FOXO4: variants seen among roughly 807,000 people sequenced by gnomAD.
FOXO4 encodes forkhead box protein O4.
In FOXO4, 3 loss-of-function variants were observed where a neutral mutation model predicts 20.8. The ratio of observed to expected loss-of-function variants is 0.14; its 90% CI spans 0.07 to 0.37. FOXO4 has a LOEUF of 0.37. Ranked by LOEUF, FOXO4 falls within the 10% of genes least tolerant of loss-of-function variation. The pLI, the probability that FOXO4 is intolerant of heterozygous loss-of-function variation, is 1.00. For missense variants in FOXO4, 309 were observed against 431.9 expected (o/e 0.72, Z 2.52); for synonymous variants, 158 against 180.0 (o/e 0.88, Z 0.98).
chrX:71,101,131 A>G lies in FOXO4; in HGVS notation c.901A>G (p.Asn301Asp), dbSNP rs2092230185. The stretch of plus-strand genomic sequence containing the variant: ...TGCAGGGGGTGTCCCTCCCACCCTC[A>G]ATGAAGGTCTAGAGCTGTTAGATGG... ...SYAGGVPPTL[N>D]EGLELLDGLN... is the part of the protein sequence containing the mutation. Residue 301 changes from asparagine to aspartate, a missense_variant, in exon 2 of 3, where the codon AAT (asparagine) becomes GAT (aspartate). Asn to Asp is a conservative substitution (Grantham distance 23). Transcript: ENST00000374259. 1 of 1,209,106 alleles carries G rather than the reference A, an allele frequency of 8.3e-7. No individual in the cohort carries two copies. Among genetic ancestry groups the G allele is most frequent in the African/African-American group, 1.8e-5 (1 of 56,920 alleles).
At position 71,101,061 on chromosome X, in the gene FOXO4, G is replaced by T. The variant is rs1405484394; in HGVS notation, c.831G>T (p.Glu277Asp). 8.3e-7 allele frequency: 1 copy of T among 1,210,262 alleles called. No homozygotes were observed. The highest frequency in any genetic ancestry group is 1.7e-5 in the African/African-American group (1 of 57,272). Residue 277 changes from glutamate (E) to aspartate (D), a missense_variant, in exon 2 of 3, where the codon GAG becomes GAT. This residue lies in a region of FOXO4 where 223 missense variants were observed against 302.7 expected (regional missense o/e 0.74). Coordinates refer to ENST00000374259, the MANE Select transcript of FOXO4 (RefSeq NM_005938.4). ...CCCGGCTGTCCCCCTTGAGGCCAGA[G>T]TCTGAGGTGCTGGCGGAGGAAATAC... ...VSTRLSPLRP[E>D]SEVLAEEIPA... is the part of the protein sequence containing the mutation.
chrX:71,101,361 C>A lies in FOXO4; in HGVS notation c.1131C>A (p.Pro377=). The A allele has an allele frequency of 8.3e-7, 1 of 1,211,452 alleles. No homozygotes were observed. Among genetic ancestry groups the A allele is most frequent in the Non-Finnish European group, 1.1e-6 (1 of 895,203 alleles). ...TGCTCACCTCTGATACGCCACCACC[C>A]CCTGCTGACGTCCTCATGACCCAGG... The part of the protein sequence containing the change: ...EALLTSDTPP[P]PADVLMTQVD... The change falls in exon 2 of 3, where the codon CCC becomes CCA. Residue 377 remains proline, a synonymous_variant. Transcript: ENST00000374259.
chrX:71,101,925 G>T, intron 2 of FOXO4, 152 bp from the exon 3 acceptor site: 1 of 722,265 alleles, frequency 1.4e-6, no homozygotes, highest in Non-Finnish European at 2.1e-6. Flanking sequence ...AGGCCCCTTA[G>T]CTGTGCCCAG....
Position 71,101,376 on chromosome X carries a change from C to T in FOXO4, c.1146C>T (p.Leu382=), listed in dbSNP as rs1460352853. 8.3e-7 allele frequency: 1 copy of T among 1,211,548 alleles called. No individual in the cohort carries two copies. Among genetic ancestry groups the T allele is most frequent in the Admixed American group, 2.2e-5 (1 of 46,087 alleles). Residue 382 remains leucine (L), a synonymous_variant, in exon 2 of 3, where the codon CTC becomes CTT. Coordinates refer to ENST00000374259, the MANE Select transcript of FOXO4 (RefSeq NM_005938.4). ...CGCCACCACCCCCTGCTGACGTCCT[C>T]ATGACCCAGGTAGATCCCATTCTGT... The part of the protein sequence containing the change: ...SDTPPPPADV[L]MTQVDPILSQ...
chrX:71,097,350 T>C (rs1047040602), intron 1 of FOXO4, among the ~76,000 whole-genome samples: 1 of 109,206 alleles, frequency 9.2e-6, no homozygotes, highest in Non-Finnish European at 1.9e-5. Flanking sequence ...CACATGAACC[T>C]ACCCTTCCCT....
rs1222442575 is a variant in FOXO4, at chrX:71,095,860, T to A, written c.-669T>A. ...CTTTCGAGGCGCGTGCGCAGATGGC[T>A]GCCCCGGCGAGTGGTAAACAGAGAC... On this transcript the variant is annotated 5_prime_UTR_variant, in exon 1 of 3. Transcript: ENST00000374259. 2.1e-5 allele frequency among the ~76,000 whole-genome samples: 2 copies of A among 95,289 alleles called. No homozygotes were observed. Among genetic ancestry groups the A allele is most frequent in the Non-Finnish European group, 4.0e-5 (2 of 49,609 alleles). 82.7% of individuals were successfully genotyped at this position (95,289 alleles called of 115,157 possible).
At position 71,100,678 on chromosome X, in the gene FOXO4, C is replaced by T. The variant is rs1327566197; in HGVS notation, c.454-6C>T. The T allele has an allele frequency of 1.4e-5, 16 of 1,176,629 alleles. No homozygotes were observed. The highest frequency in any genetic ancestry group is 1.8e-5 in the Non-Finnish European group (16 of 876,804). On this transcript the variant is annotated splice_region_variant and splice_polypyrimidine_tract_variant and intron_variant, in intron 1 of 2. Coordinates refer to ENST00000374259, the MANE Select transcript of FOXO4 (RefSeq NM_005938.4). ...CGCCCCTTTCCTGCCATCTCTGCCC[C>T]TCCAGAACTCGATCCGCCACAACCT... is the stretch of plus-strand genomic sequence containing the variant.
rs1272050752 is a variant in FOXO4 at position 71,102,914 on chromosome X, T to A, written c.*830T>A. Reference sequence around the variant, plus strand: ...GTTAGAGTTTCCCTAACAAAAAAGCTAACCCAGGTCCCCTCATTCCTTCAA... The same window carrying A: ...GTTAGAGTTTCCCTAACAAAAAAGCAAACCCAGGTCCCCTCATTCCTTCAA... On this transcript the variant is annotated 3_prime_UTR_variant, in exon 3 of 3. Coordinates refer to ENST00000374259, the MANE Select transcript of FOXO4 (RefSeq NM_005938.4). 1.8e-5 allele frequency: 3 copies of A among 171,306 alleles called. No homozygotes were observed. Among genetic ancestry groups the A allele is most frequent in the Non-Finnish European group, 3.3e-5 (3 of 89,893 alleles). The allele number at this position is 171,306 out of a possible 1,213,427, so 14.1% of individuals were successfully genotyped here.
chrX:71,096,253 G>T lies in FOXO4; in HGVS notation c.-276G>T. The T allele has an allele frequency of 2.5e-6, 1 of 403,395 alleles. No individual in the cohort carries two copies. The allele number at this position is 403,395 out of a possible 1,213,427, so 33.2% of individuals were successfully genotyped here. A position where few individuals can be genotyped will look rare whatever the true frequency, so the allele number is the denominator to read the frequency against. On this transcript the variant is annotated 5_prime_UTR_variant, in exon 1 of 3. The change creates a new upstream start codon in the 5' untranslated region. Coordinates refer to ENST00000374259, the MANE Select transcript of FOXO4 (RefSeq NM_005938.4). ...TAAAAGAGCAGGAAGCTGAGTGAGAGGTTGCAGAAAAAGTGTCTTCGCTCG... is the reference window on the plus strand; with the variant it reads ...TAAAAGAGCAGGAAGCTGAGTGAGATGTTGCAGAAAAAGTGTCTTCGCTCG...
rs1480125243 is a variant in FOXO4, at chrX:71,096,706, A to G, written c.178A>G (p.Thr60Ala). The change falls in exon 1 of 3, where the codon ACG becomes GCG. Residue 60 changes from threonine (T) to alanine (A), a missense_variant. Coordinates refer to ENST00000374259, the MANE Select transcript of FOXO4 (RefSeq NM_005938.4). ...GCCAGATCTGGGGGAAAAGGTACAC[A>G]CGGAGGGGCGCTCAGAGCCGATCCT... ...VEPDLGEKVH[T>A]EGRSEPILLP... 1 of 1,208,155 alleles carries G rather than the reference A, an allele frequency of 8.3e-7. No individual in the cohort carries two copies. Among genetic ancestry groups the G allele is most frequent in the South Asian group, 1.8e-5 (1 of 56,305 alleles).
rs761311748 is a variant in FOXO4, at chrX:71,100,689, G to T, written c.459G>T (p.Ser153=). ...TGCCATCTCTGCCCCTCCAGAACTCGATCCGCCACAACCTGTCCCTGCACA... is the reference window on the plus strand; with the variant it reads ...TGCCATCTCTGCCCCTCCAGAACTCTATCCGCCACAACCTGTCCCTGCACA... The part of the protein sequence containing the change: ...DSNSSAGWKN[S]IRHNLSLHSK... Residue 153 remains serine, a synonymous_variant, in exon 2 of 3, where the codon TCG becomes TCT. Transcript: ENST00000374259. The T allele has an allele frequency of 8.4e-7, 1 of 1,184,340 alleles. No homozygotes were observed. The highest frequency in any genetic ancestry group is 1.1e-6 in the Non-Finnish European group (1 of 880,279).
At chrX:71,098,380 A>G (rs1249925359) in intron 1 of FOXO4, among the ~76,000 whole-genome samples, 2 of 111,985 alleles carry the variant, frequency 1.8e-5, no homozygotes, top group East Asian at 2.8e-4. Context: ...GGCTTGCTCT[A>G]ATTGGAATGA....
rs771741848 is a variant in FOXO4 at position 71,101,598 on chromosome X, C to A, written c.1368C>A (p.Pro456=). The change falls in exon 2 of 3, where the codon CCC becomes CCA. Residue 456 remains proline (P), a synonymous_variant. Coordinates refer to ENST00000374259, the MANE Select transcript of FOXO4 (RefSeq NM_005938.4). ...PKALGTPVLT[P]PTEAASQDRM... ...CTCTGGGGACTCCTGTGCTCACACC[C>A]CCTACTGAAGCTGCAAGCCAAGACA... The A allele has an allele frequency of 8.3e-7, 1 of 1,211,775 alleles. No homozygotes were observed. Among genetic ancestry groups the A allele is most frequent in the Admixed American group, 2.2e-5 (1 of 46,112 alleles).
chrX:71,103,441 C>T lies in FOXO4; in HGVS notation c.*1357C>T, dbSNP rs1045861909. The T allele has an allele frequency of 6.3e-6, 1 of 159,758 alleles. No homozygotes were observed. Among genetic ancestry groups the T allele is most frequent in the Non-Finnish European group, 1.2e-5 (1 of 82,580 alleles). The allele number at this position is 159,758 out of a possible 1,213,427, so 13.2% of individuals were successfully genotyped here. A position where few individuals can be genotyped will look rare whatever the true frequency, so the allele number is the denominator to read the frequency against. On this transcript the variant is annotated 3_prime_UTR_variant, in exon 3 of 3. Transcript: ENST00000374259. The stretch of plus-strand genomic sequence containing the variant: ...GTTCCCATCATTTCCTGTGTCAGCG[C>T]CTGGCCTACCCAGATTGTATCATGT...
At chrX:71,097,149 A>G (rs1056659902) in intron 1 of FOXO4, among the ~76,000 whole-genome samples, 168 bp downstream of exon 1, 1 of 104,686 alleles carries the variant, frequency 9.6e-6, no homozygotes, top group Non-Finnish European at 1.9e-5. Context: ...TACTTAGTAC[A>G]TAGTATATGC....
chrX:71,101,548 A>G lies in FOXO4; in HGVS notation c.1318A>G (p.Met440Val). The change falls in exon 2 of 3, where the codon ATG becomes GTG. Residue 440 changes from methionine to valine, a missense_variant. Physicochemically the swap from Met to Val is conservative, Grantham distance 21. Coordinates refer to ENST00000374259, the MANE Select transcript of FOXO4 (RefSeq NM_005938.4). Reference sequence around the variant, plus strand: ...TTCTATGATAGCACCACCTCCAGTCATGGCAAGTGCCCCCATCCCCAAGGC... The same window carrying G: ...TTCTATGATAGCACCACCTCCAGTCGTGGCAAGTGCCCCCATCCCCAAGGC... Reference protein sequence around the residue: ...TLSMIAPPPVMASAPIPKALG... With the variant: ...TLSMIAPPPVVASAPIPKALG... 8.3e-7 allele frequency: 1 copy of G among 1,211,601 alleles called. No homozygotes were observed. Among genetic ancestry groups the G allele is most frequent in the Non-Finnish European group, 1.1e-6 (1 of 895,432 alleles).
chrX:71,098,160 G>A (rs753901065), intron 1 of FOXO4, among the ~76,000 whole-genome samples: 3 of 111,413 alleles, frequency 2.7e-5, no homozygotes, highest in Non-Finnish European at 3.8e-5. Flanking sequence ...AGTATAGTCC[G>A]TCCTTATAAT....
rs780682815 is a variant in FOXO4, at chrX:71,101,324, C to T, written c.1094C>T (p.Ala365Val). The change falls in exon 2 of 3, where the codon GCT (alanine) becomes GTT (valine). Residue 365 changes from alanine to valine, a missense_variant. This residue lies in a region of FOXO4 where 223 missense variants were observed against 302.7 expected (regional missense o/e 0.74). Transcript: ENST00000374259. ...AGEGCFSSSQ[A>V]LEALLTSDTP... is the part of the protein sequence containing the mutation. ...GAAGGGTGCTTCTCCAGCTCCCAGG[C>T]TCTGGAGGCCCTGCTCACCTCTGAT... is the stretch of plus-strand genomic sequence containing the variant. 8.3e-7 allele frequency: 1 copy of T among 1,211,677 alleles called. No homozygotes were observed. Among genetic ancestry groups the T allele is most frequent in the East Asian group, 3.0e-5 (1 of 33,833 alleles).
At chrX:71,101,848 C>T in intron 2 of FOXO4, 108 bp downstream of exon 2, 1 of 761,727 alleles carries the variant, frequency 1.3e-6, no homozygotes, top group Non-Finnish European at 2.0e-6. Flanking sequence ...AAGTGGTAGC[C>T]AGAGCTCCTG....
Sources: allele counts gnomAD v4.1 joint callset (sites outside exome capture counted in the v4.1 genomes callset), GRCh38; gene constraint gnomAD v4.1.1; regional missense constraint gnomAD v4.1.1; transcripts MANE v1.5; gene names NCBI Gene and HGNC (gene_info 2026-07-23, HGNC 2026-07-21).